Variants in HPSE2 observed in about 807,000 individuals in gnomAD.
The protein encoded by HPSE2 is heparanase 2 (inactive).
Under a neutral mutation model 60.5 loss-of-function variants are expected in HPSE2, and 38 were observed. The observed-to-expected ratio is 0.63, with a 90% CI of 0.48 to 0.82. The LOEUF is 0.82. HPSE2 is among the 40% of genes least tolerant of loss of function. The pLI is 0.00. For missense variants in HPSE2, 713 were observed against 740.4 expected, an observed-to-expected ratio of 0.96 and a Z score of 0.43; for synonymous variants, 295 against 293.2, an observed-to-expected ratio of 1.01 and a Z score of -0.06.
chr10:99,068,497 G>A (rs1842684508), intron 3 of HPSE2, among the ~76,000 whole-genome samples: 1 of 152,144 alleles, frequency 6.6e-6, no homozygotes, highest in Admixed American at 6.6e-5. Context: ...CAGATCTTGT[G>A]AGACTTATTC....
chr10:99,114,338 T>C (rs1426421785), intron 3 of HPSE2, among the ~76,000 whole-genome samples: 6 of 152,244 alleles, frequency 3.9e-5, no homozygotes, highest in Non-Finnish European at 8.8e-5. Context: ...TTTTATTCAA[T>C]GAGTTTTGAT....
chr10:99,108,597 A>T lies in HPSE2; in HGVS notation c.610+35641T>A, dbSNP rs185445779. 4.8e-3 allele frequency among the ~76,000 whole-genome samples: 737 copies of T among 152,310 alleles called. 3 individuals are homozygous for T. Among genetic ancestry groups the T allele is most frequent in the Non-Finnish European group, 7.4e-3 (505 of 68,016 alleles). On this transcript the variant is annotated intron_variant, in intron 3 of 11. Coordinates refer to ENST00000370552, the MANE Select transcript of HPSE2 (RefSeq NM_021828.5). ...CATTATCCCTGCCTAAAGTTTATTC[A>T]TTACTCTATAACGAGACCATATTAG... is the stretch of plus-strand genomic sequence containing the variant.
At chr10:99,104,910 C>T (rs371271556) in intron 3 of HPSE2, among the ~76,000 whole-genome samples, 15 of 151,594 alleles carry the variant, frequency 9.9e-5, no homozygotes, top group African/African-American at 3.1e-4. Context: ...CGGGGCCTGT[C>T]GTGGGGTCGG....
chr10:98,788,496 T>C (rs1026938368), intron 3 of HPSE2, among the ~76,000 whole-genome samples: 10 of 143,266 alleles, frequency 7.0e-5, no homozygotes, highest in African/African-American at 2.6e-4. Context: ...CCCGGCTGCT[T>C]TGTTTACGTA....
At chr10:99,127,582 A>C (rs951133273) in intron 3 of HPSE2, among the ~76,000 whole-genome samples, 4 of 152,252 alleles carry the variant, frequency 2.6e-5, no homozygotes, top group African/African-American at 9.6e-5. Context: ...TGAGGGACTA[A>C]TTGGAGAAAA....
intron 11 of HPSE2, among the ~76,000 whole-genome samples, chr10:98,469,942 C>T (rs1280515369): frequency 6.6e-6 from 1 of 152,194 alleles, no homozygotes; most frequent in African/African-American, 2.4e-5. Flanking sequence ...CTATATTTAC[C>T]CTTAGGTGGT....
At chr10:99,201,349 C>T (rs1338558466) in intron 2 of HPSE2, among the ~76,000 whole-genome samples, 3 of 152,034 alleles carry the variant, frequency 2.0e-5, no homozygotes, top group Admixed American at 1.3e-4. Flanking sequence ...CTTCACTAGC[C>T]TTTTTGGTCC....
At chr10:98,870,940 AT>A (rs1208651102) in intron 3 of HPSE2, among the ~76,000 whole-genome samples, 2 of 14,482 alleles carry the variant, frequency 1.4e-4, no homozygotes, top group Admixed American at 1.9e-3. Flanking sequence ...ATATCTTTAA[AT>A]TATTAAAAAA....
chr10:98,475,769 GA>G (rs887722801), intron 11 of HPSE2, among the ~76,000 whole-genome samples: 8 of 150,838 alleles, frequency 5.3e-5, no homozygotes, highest in East Asian at 1.9e-4. Flanking sequence ...ACTTCTTCTG[GA>G]AAAAAAAATG....
chr10:98,829,554 G>A (rs969045486), intron 3 of HPSE2, among the ~76,000 whole-genome samples: 11 of 151,990 alleles, frequency 7.2e-5, no homozygotes, highest in African/African-American at 2.4e-4. Context: ...AGAAAGTTCT[G>A]GAGATAGATG....
chr10:98,752,148 G>A (rs1949772313), intron 3 of HPSE2, among the ~76,000 whole-genome samples: 1 of 152,122 alleles, frequency 6.6e-6, no homozygotes, highest in African/African-American at 2.4e-5. Context: ...CTAGGTTTAT[G>A]AAAGGAATTT....
At chr10:98,464,709 T>G (rs763194180) in intron 11 of HPSE2, among the ~76,000 whole-genome samples, 2 of 152,232 alleles carry the variant, frequency 1.3e-5, no homozygotes, top group Non-Finnish European at 2.9e-5. Flanking sequence ...CTTTTGAGGC[T>G]CTTTTGCATT....
chr10:98,839,473 T>C (rs1589922035), intron 3 of HPSE2, among the ~76,000 whole-genome samples: 1 of 152,220 alleles, frequency 6.6e-6, no homozygotes, highest in Non-Finnish European at 1.5e-5. Flanking sequence ...CAACAATGTT[T>C]AAGACAACAT....
chr10:98,994,338 A>G (rs1224076920), intron 3 of HPSE2, among the ~76,000 whole-genome samples: 1 of 152,098 alleles, frequency 6.6e-6, no homozygotes. Context: ...AGGAGAGCCT[A>G]GCTTCCATGT....
chr10:98,570,540 GTAT>G (rs1335935315), intron 9 of HPSE2, among the ~76,000 whole-genome samples: 3 of 151,872 alleles, frequency 2.0e-5, no homozygotes, highest in Non-Finnish European at 2.9e-5. Flanking sequence ...TGAGGGGACT[GTAT>G]TTTTTCCCTT....
chr10:98,866,779 A>C (rs933755726), intron 3 of HPSE2, among the ~76,000 whole-genome samples: 5 of 152,182 alleles, frequency 3.3e-5, no homozygotes, highest in Non-Finnish European at 5.9e-5. Flanking sequence ...ATAGCCAGTA[A>C]AAATATCTTT....
intron 9 of HPSE2, among the ~76,000 whole-genome samples, chr10:98,609,938 T>G (rs76975301): frequency 0.046 from 6,996 of 150,518 alleles, 560 homozygotes; most frequent in African/African-American, 0.16. Context: ...ACCTCCAAGA[T>G]TCAAGTGATT....
chr10:98,853,777 C>CTG (rs1390321380), intron 3 of HPSE2, among the ~76,000 whole-genome samples: 2 of 152,172 alleles, frequency 1.3e-5, no homozygotes, highest in African/African-American at 4.8e-5. Flanking sequence ...TTCTTACTAA[C>CTG]TGTGTGGCCT....
At chr10:99,156,623 G>A (rs1445271533) in intron 2 of HPSE2, among the ~76,000 whole-genome samples, 1 of 110,648 alleles carries the variant, frequency 9.0e-6, no homozygotes, top group Admixed American at 9.2e-5. Flanking sequence ...AGCTATCTAT[G>A]ACAAACCCAC....
Sources: allele counts gnomAD v4.1 joint callset (sites outside exome capture counted in the v4.1 genomes callset), GRCh38; gene constraint gnomAD v4.1.1; transcripts MANE v1.5; gene names NCBI Gene and HGNC (gene_info 2026-07-23, HGNC 2026-07-21).